HERC1: variants seen among roughly 807,000 people sequenced by gnomAD.
The protein encoded by HERC1 is probable E3 ubiquitin-protein ligase HERC1.
A neutral mutation model predicts 554.3 loss-of-function variants in HERC1; 160 were observed. That is an observed-to-expected ratio of 0.29 (90% CI 0.25 to 0.33). HERC1 has a LOEUF of 0.33. Among genes scored for constraint, HERC1 ranks in the 10% least tolerant of loss-of-function variants. HERC1 has a pLI of 1.00. For missense variants in HERC1, 4,919 were observed against 5,918.5 expected (o/e 0.83, Z 5.54); for synonymous variants, 2,175 against 2,131.7 (o/e 1.02, Z -0.56).
At chr15:63,784,064 CAAA>C (rs35436692) in intron 1 of HERC1, among the ~76,000 whole-genome samples, 7 of 126,120 alleles carry the variant, frequency 5.6e-5, no homozygotes, top group Admixed American at 1.7e-4. Flanking sequence ...GACTCTATCT[CAAA>C]AAAAAAAAAA....
chr15:63,788,314 T>G (rs923051479), intron 1 of HERC1, among the ~76,000 whole-genome samples: 8 of 152,190 alleles, frequency 5.3e-5, no homozygotes, highest in African/African-American at 1.7e-4. Flanking sequence ...AACAGTTATT[T>G]ACTGTAAATT....
At chr15:63,832,825 A>AT (rs2078202342) in intron 1 of HERC1, among the ~76,000 whole-genome samples, 1 of 152,210 alleles carries the variant, frequency 6.6e-6, no homozygotes, top group African/African-American at 2.4e-5. Flanking sequence ...CCAAGCAAGG[A>AT]TAAAAAAAAA....
chr15:63,826,990 G>C lies in HERC1; in HGVS notation c.-27+6837C>G, dbSNP rs189591930. On this transcript the variant is annotated intron_variant, in intron 1 of 77. Coordinates refer to ENST00000443617, the MANE Select transcript of HERC1 (RefSeq NM_003922.4). ...TTTTGAACCAGCAATCACACTTACA[G>C]AAATCTACCTTGAAGATACGGTTCT... Among the ~76,000 whole-genome samples the C allele has an allele frequency of 2.0e-3, 298 of 151,664 alleles. 1 individual carries two copies. The highest frequency in any genetic ancestry group is 6.4e-3 in the African/African-American group (263 of 41,366).
At chr15:63,733,458 T>C (rs976059406) in intron 13 of HERC1, among the ~76,000 whole-genome samples, 3 of 152,292 alleles carry the variant, frequency 2.0e-5, no homozygotes, top group South Asian at 4.1e-4. Flanking sequence ...ATAAATAATA[T>C]GACACATGAT....
intron 47 of HERC1, 52 bp downstream of exon 47, chr15:63,659,684 A>G: frequency 7.5e-7 from 1 of 1,325,042 alleles, no homozygotes. Context: ...TATCTAAGAA[A>G]CAAATTATAG....
At chr15:63,630,317 G>A (rs2068490761) in intron 69 of HERC1, 149 bp downstream of exon 69, 3 of 830,504 alleles carry the variant, frequency 3.6e-6, no homozygotes, top group East Asian at 2.5e-5. Flanking sequence ...GACATAACTA[G>A]ACTTACAAAA....
Position 63,637,594 on chromosome 15 carries a change from A to C in HERC1, c.12143T>G (p.Val4048Gly). The change falls in exon 64 of 78, where the codon GTG becomes GGG. Residue 4048 changes from valine (V) to glycine (G), a missense_variant. Around this residue, in one of 11 missense-constraint regions of HERC1, gnomAD observed 122 missense variants for 195.2 expected, o/e 0.63. Coordinates refer to ENST00000443617, the MANE Select transcript of HERC1 (RefSeq NM_003922.4). Reference sequence around the variant, plus strand: ...ATAACTTCCTTCCCCACAAGCCAACACTGTGCCATTGGCCTGGATGACAAA... The same window carrying C: ...ATAACTTCCTTCCCCACAAGCCAACCCTGTGCCATTGGCCTGGATGACAAA... The part of the protein sequence containing the change: ...CTFVIQANGT[V>G]LACGEGSYGR... 6.4e-7 allele frequency: 1 copy of C among 1,554,618 alleles called. No homozygotes were observed. The highest frequency in any genetic ancestry group is 1.2e-5 in the South Asian group (1 of 84,270).
At chr15:63,650,405 T>C (rs905795908) in intron 53 of HERC1, among the ~76,000 whole-genome samples, 2 of 151,840 alleles carry the variant, frequency 1.3e-5, no homozygotes, top group African/African-American at 2.4e-5. Context: ...AAAATTAATG[T>C]TTTTCTGTAA....
At chr15:63,792,219 A>G (rs1163431288) in intron 1 of HERC1, among the ~76,000 whole-genome samples, 1 of 152,212 alleles carries the variant, frequency 6.6e-6, no homozygotes, top group Non-Finnish European at 1.5e-5. Context: ...CCAAGAAATG[A>G]TCTTGGGCAA....
chr15:63,689,553 G>A (rs1207606381), intron 33 of HERC1, 36 bp downstream of exon 33: 3 of 1,124,810 alleles, frequency 2.7e-6, no homozygotes, highest in South Asian at 2.8e-5. Flanking sequence ...ATTCACTTAT[G>A]CTGTTAAGAA....
Position 63,610,509 on chromosome 15 carries a change from G to A in HERC1, c.14401-1243C>T, listed in dbSNP as rs146682137. Among the ~76,000 whole-genome samples, 789 of 152,326 alleles carry A rather than the reference G, an allele frequency of 5.2e-3. 6 individuals carry two copies. The highest frequency in any genetic ancestry group is 0.02 in the Middle Eastern group (6 of 294). On this transcript the variant is annotated intron_variant, in intron 77 of 77. Coordinates refer to ENST00000443617, the MANE Select transcript of HERC1 (RefSeq NM_003922.4). ...ATATAAGGCAAGGGTTGTTTCCAGA[G>A]CTGAGTAGAAATGAGCCATTTCCTC...
At chr15:63,609,316 G>C (rs559571278) in intron 77 of HERC1, 50 bp from the exon 78 acceptor site, 3 of 1,510,186 alleles carry the variant, frequency 2.0e-6, no homozygotes, top group Non-Finnish European at 2.7e-6. Flanking sequence ...AGTGCCATAA[G>C]GGGGAGTGGG....
intron 2 of HERC1, among the ~76,000 whole-genome samples, chr15:63,770,078 T>C (rs370553306): frequency 7.2e-5 from 11 of 152,182 alleles, no homozygotes; most frequent in East Asian, 5.8e-4. Flanking sequence ...CCAAAGCCTA[T>C]AGCATGGGAT....
intron 16 of HERC1, among the ~76,000 whole-genome samples, chr15:63,728,974 A>AT (rs1301158031): frequency 1.7e-4 from 26 of 151,518 alleles, no homozygotes; most frequent in Admixed American, 5.9e-4. Flanking sequence ...AAAAAATCTC[A>AT]CTTTCTGCCA....
At chr15:63,833,753 G>GCGCGCACACACACACACACACACA (rs1340096449) in intron 1 of HERC1, 74 bp downstream of exon 1, 3 of 46,492 alleles carry the variant, frequency 6.5e-5, no homozygotes, top group African/African-American at 1.7e-4. Context: ...ACGCGCGCGC[G>GCGCGCACACACACACACACACACA]CACACACACA....
chr15:63,652,177 T>C (rs2069726284), intron 52 of HERC1, among the ~76,000 whole-genome samples: 1 of 152,226 alleles, frequency 6.6e-6, no homozygotes, highest in Admixed American at 6.5e-5. Context: ...TAGTTGAACA[T>C]TTATTTACTA....
At chr15:63,678,725 T>C (rs949412860) in intron 36 of HERC1, among the ~76,000 whole-genome samples, 1 of 152,194 alleles carries the variant, frequency 6.6e-6, no homozygotes, top group Non-Finnish European at 1.5e-5. Context: ...TCCAGAATGA[T>C]GAGTCCTGGA....
chr15:63,611,171 G>A (rs2067571581), intron 77 of HERC1, among the ~76,000 whole-genome samples: 1 of 152,232 alleles, frequency 6.6e-6, no homozygotes, highest in Non-Finnish European at 1.5e-5. Flanking sequence ...CTGGTCTACT[G>A]GGGAGAAAGG....
chr15:63,625,707 A>G (rs541946219), intron 71 of HERC1, among the ~76,000 whole-genome samples: 4 of 151,786 alleles, frequency 2.6e-5, no homozygotes, highest in African/African-American at 7.2e-5. Flanking sequence ...AAAAAAAAAA[A>G]AAAGAAAGAA....
Sources: allele counts gnomAD v4.1 joint callset (sites outside exome capture counted in the v4.1 genomes callset), GRCh38; gene constraint gnomAD v4.1.1; regional missense constraint gnomAD v4.1.1; transcripts MANE v1.5; gene names NCBI Gene and HGNC (gene_info 2026-07-23, HGNC 2026-07-21).